The following SLC43A2 variants were observed in gnomAD, a reference collection of about 807,000 sequenced individuals.
SLC43A2 encodes solute carrier family 43 member 2.
SLC43A2 carries 38 observed loss-of-function variants against 63.2 expected under a neutral mutation model. The observed-to-expected ratio is 0.60, with a 90% CI of 0.46 to 0.79. SLC43A2 has a LOEUF of 0.79. Ranked by LOEUF, SLC43A2 falls within the 30% of genes least tolerant of loss-of-function variation. The pLI is 0.00. For missense variants in SLC43A2, 644 were observed against 756.2 expected, an observed-to-expected ratio of 0.85 and a Z score of 1.74; for synonymous variants, 322 against 331.0, an observed-to-expected ratio of 0.97 and a Z score of 0.30.
Position 1,591,571 on chromosome 17 carries a change from G to T in SLC43A2, c.723C>A (p.Asp241Glu). Residue 241 changes from aspartate to glutamate, a missense_variant, in exon 7 of 14, where the codon GAC becomes GAA. Asp to Glu is a conservative substitution (Grantham distance 45). This residue lies in a region of SLC43A2 where 528 missense variants were observed against 623.6 expected (regional missense o/e 0.85). Transcript: ENST00000301335. ...LEPFPGPEDMDYSVKIKFSWL... is the reference protein window; with the variant it reads ...LEPFPGPEDMEYSVKIKFSWL... ...ACGGGGGCACCTCTACTTACGAGTA[G>T]TCCATGTCCTCCGGCCCCGGGAAGG... 6.4e-7 allele frequency: 1 copy of T among 1,552,702 alleles called. No individual in the cohort carries two copies. Among genetic ancestry groups the T allele is most frequent in the Non-Finnish European group, 8.7e-7 (1 of 1,149,026 alleles).
chr17:1,581,631 A>C (rs1408981398), intron 11 of SLC43A2, among the ~76,000 whole-genome samples: 1 of 152,152 alleles, frequency 6.6e-6, no homozygotes, highest in East Asian at 1.9e-4. Context: ...TGGAAGGAAA[A>C]GCCACACTTG....
chr17:1,629,725 A>G (rs999394011), upstream of SLC43A2, among the ~76,000 whole-genome samples: 4 of 152,134 alleles, frequency 2.6e-5, no homozygotes, highest in Non-Finnish European at 5.9e-5. Context: ...CCTTTCAGGG[A>G]AGGTCCCCTC....
chr17:1,596,584 C>G (rs1236233128), intron 5 of SLC43A2, among the ~76,000 whole-genome samples: 1 of 151,774 alleles, frequency 6.6e-6, no homozygotes, highest in Admixed American at 6.6e-5. Context: ...AGATAAATAA[C>G]CAATTTTTTT....
Position 1,605,155 on chromosome 17 carries a change from G to A in SLC43A2, c.501+8040C>T, listed in dbSNP as rs1906486812. The A allele has an allele frequency of 1.3e-5, 16 of 1,248,766 alleles. No homozygotes were observed. Among genetic ancestry groups the A allele is most frequent in the South Asian group, 1.7e-5 (1 of 57,738 alleles). 77.4% of individuals were successfully genotyped at this position (1,248,766 alleles called of 1,614,324 possible). A position where few individuals can be genotyped will look rare whatever the true frequency, so the allele number is the denominator to read the frequency against. On this transcript the variant is annotated intron_variant, in intron 5 of 13. Transcript: ENST00000301335. This position sits in a 1 kb window ranked among gnomAD's most constrained non-coding sequence, Gnocchi z 4.9. Reference sequence around the variant, plus strand: ...CCCCTCGCCGCCTCTGCCTCCGTGCGGGTCAACCTGTCCTGCCAGCCCGGG... The same window carrying A: ...CCCCTCGCCGCCTCTGCCTCCGTGCAGGTCAACCTGTCCTGCCAGCCCGGG...
At chr17:1,615,092 G>GTTTTGT in intron 3 of SLC43A2, 58 bp from the exon 4 acceptor site, 1 of 1,598,012 alleles carries the variant, frequency 6.3e-7, no homozygotes, top group Non-Finnish European at 8.6e-7. Flanking sequence ...CAGTGTTATT[G>GTTTTGT]TTTTGTTTTT....
chr17:1,575,823 C>T, intron 13 of SLC43A2, 58 bp from the exon 14 acceptor site: 3 of 1,530,672 alleles, frequency 2.0e-6, no homozygotes, highest in Non-Finnish European at 2.6e-6. Flanking sequence ...AGGCTGCAGA[C>T]CCGCCCTCCA....
chr17:1,592,692 A>G (rs1904932799), intron 6 of SLC43A2, among the ~76,000 whole-genome samples: 1 of 152,180 alleles, frequency 6.6e-6, no homozygotes, highest in Non-Finnish European at 1.5e-5. Context: ...GGTCTGGGGA[A>G]CTTGGGCTGA....
chr17:1,579,158 A>C (rs1471273927), intron 11 of SLC43A2, among the ~76,000 whole-genome samples: 4 of 147,508 alleles, frequency 2.7e-5, no homozygotes, highest in African/African-American at 1.0e-4. Context: ...AAATAATAAT[A>C]ATAATAATAA....
chr17:1,591,719 C>CGGGGT lies in SLC43A2; in HGVS notation c.595-25_595-21dup, dbSNP rs764050386. ...GATGAGCTGACAGGCACCGCGGGGA[C>CGGGGT]GGGGTGGGGGGGGGAGGGGGCAGAG... On this transcript the variant is annotated intron_variant, in intron 6 of 13. Transcript: ENST00000301335. 2 of 118,064 alleles carry CGGGGT rather than the reference C, an allele frequency of 1.7e-5. No homozygotes were observed. The highest frequency in any genetic ancestry group is 3.6e-5 in the Non-Finnish European group (2 of 55,434). 7.3% of individuals were successfully genotyped at this position (118,064 alleles called of 1,614,324 possible). A position where few individuals can be genotyped will look rare whatever the true frequency, so the allele number is the denominator to read the frequency against.
chr17:1,608,431 C>T (rs551382020), intron 5 of SLC43A2, among the ~76,000 whole-genome samples: 2 of 151,722 alleles, frequency 1.3e-5, no homozygotes, highest in Admixed American at 1.3e-4. Context: ...TCTCACTCTG[C>T]CACCCAGGCT....
At chr17:1,625,995 G>A (rs532371735) in intron 2 of SLC43A2, among the ~76,000 whole-genome samples, 133 of 112,476 alleles carry the variant, frequency 1.2e-3, no homozygotes, top group Middle Eastern at 4.2e-3. Flanking sequence ...TAAATCCGTG[G>A]ACATTCTATT....
chr17:1,615,568 G>A (rs1907521031), intron 3 of SLC43A2, among the ~76,000 whole-genome samples: 1 of 150,212 alleles, frequency 6.7e-6, no homozygotes, highest in African/African-American at 2.4e-5. Flanking sequence ...TAGGGGCCAG[G>A]CACGATGGCT....
intron 4 of SLC43A2, 146 bp from the exon 5 acceptor site, chr17:1,613,417 A>G: frequency 1.5e-6 from 1 of 660,208 alleles, no homozygotes; most frequent in Non-Finnish European, 2.7e-6. Context: ...GGGGAGTGGA[A>G]CTGCCCCTTT....
intron 2 of SLC43A2, among the ~76,000 whole-genome samples, chr17:1,624,883 G>A (rs189906732): frequency 2.0e-4 from 30 of 152,254 alleles, no homozygotes; most frequent in East Asian, 7.7e-4. Flanking sequence ...GCAACAGAGC[G>A]AGACCCTGTC....
At chr17:1,625,936 G>A (rs1399069313) in intron 2 of SLC43A2, among the ~76,000 whole-genome samples, 1 of 151,708 alleles carries the variant, frequency 6.6e-6, no homozygotes, top group Non-Finnish European at 1.5e-5. Flanking sequence ...TGAGGTTGAG[G>A]CAGGAATGAA....
In SLC43A2 at chr17:1,572,251, G is replaced by A. The variant is rs1447578852; in HGVS notation, c.*3353C>T. ...CCCTTCCTTGGGCTGTGACCCCCCT[G>A]CCACAGAGGCCCCCCCCCCGCCACA... On this transcript the variant is annotated 3_prime_UTR_variant, in exon 14 of 14. Transcript: ENST00000301335. The A allele has an allele frequency of 4.1e-5, 4 of 98,104 alleles. 1 individual carries two copies. The highest frequency in any genetic ancestry group is 1.7e-4 in the African/African-American group (4 of 23,960). 6.1% of individuals were successfully genotyped at this position (98,104 alleles called of 1,614,324 possible).
chr17:1,576,736 C>T lies in SLC43A2; in HGVS notation c.1425-16G>A, dbSNP rs748225200. Reference sequence around the variant, plus strand: ...GGAGGGGTACCTGCAGGGCAAGCGACAGCTCACAGCCATCCTGCCTCCTGG... The same window carrying T: ...GGAGGGGTACCTGCAGGGCAAGCGATAGCTCACAGCCATCCTGCCTCCTGG... On this transcript the variant is annotated splice_polypyrimidine_tract_variant and intron_variant, in intron 12 of 13. Transcript: ENST00000301335. The T allele has an allele frequency of 1.9e-6, 3 of 1,606,540 alleles. No individual in the cohort carries two copies. The highest frequency in any genetic ancestry group is 2.2e-5 in the East Asian group (1 of 44,826).
chr17:1,628,974 C>A (rs1419653312), upstream of SLC43A2: 1 of 152,206 alleles, frequency 6.6e-6, no homozygotes, highest in African/African-American at 2.4e-5. Flanking sequence ...GAGCAGAAGC[C>A]GGTTCCGGCC....
intron 10 of SLC43A2, chr17:1,585,535 C>A: frequency 1.8e-6 from 1 of 553,446 alleles, no homozygotes; most frequent in South Asian, 1.9e-5. Context: ...CATGAACCAC[C>A]CTCCCTGGCC....
Sources: allele counts gnomAD v4.1 joint callset (sites outside exome capture counted in the v4.1 genomes callset), GRCh38; gene constraint gnomAD v4.1.1; regional missense constraint gnomAD v4.1.1; non-coding constraint Gnocchi (gnomAD v3.1); transcripts MANE v1.5; gene names NCBI Gene and HGNC (gene_info 2026-07-23, HGNC 2026-07-21).